The following SEC24A variants were observed in gnomAD, a reference collection of about 807,000 sequenced individuals.
The protein encoded by SEC24A is protein transport protein Sec24A.
In SEC24A, 93 loss-of-function variants were observed where a neutral mutation model predicts 129.4. The observed-to-expected ratio is 0.72, with a 90% CI of 0.61 to 0.85. The LOEUF (loss-of-function observed/expected upper bound fraction) is 0.85, where lower values mean the gene tolerates loss of function less well. Among genes scored for constraint, SEC24A ranks in the 40% least tolerant of loss-of-function variants. The probability of loss-of-function intolerance (pLI) is 0.00; values close to 1 mark genes in which losing one functional copy is unlikely to be tolerated. For synonymous variants in SEC24A, 460 were observed against 467.3 expected, an observed-to-expected ratio of 0.98 and a Z score of 0.20; for missense variants, 1,264 against 1,307.4, an observed-to-expected ratio of 0.97 and a Z score of 0.51.
At chr5:134,662,534 C>T (rs1487936321) in intron 2 of SEC24A, among the ~76,000 whole-genome samples, 1 of 152,136 alleles carries the variant, frequency 6.6e-6, no homozygotes, top group African/African-American at 2.4e-5. Flanking sequence ...ATAGTGTAGG[C>T]TTCCAAGTGA....
chr5:134,697,088 A>AT (rs1268165666), intron 13 of SEC24A, 38 bp from the exon 14 acceptor site: 2 of 1,229,356 alleles, frequency 1.6e-6, no homozygotes, highest in Admixed American at 2.0e-5. Context: ...CAATGTAATG[A>AT]TTTTTTAAAA....
intron 15 of SEC24A, among the ~76,000 whole-genome samples, chr5:134,703,073 C>T (rs1752051525): frequency 6.6e-6 from 1 of 151,958 alleles, no homozygotes. Flanking sequence ...CCTAGTTTTT[C>T]TACTGATACC....
At chr5:134,700,511 G>A (rs1303382552) in intron 15 of SEC24A, among the ~76,000 whole-genome samples, 4 of 150,912 alleles carry the variant, frequency 2.7e-5, no homozygotes, top group African/African-American at 7.3e-5. Flanking sequence ...GAATCACCAC[G>A]CCCAGTATAA....
chr5:134,703,200 G>C (rs1027111011), intron 15 of SEC24A, among the ~76,000 whole-genome samples: 1 of 152,106 alleles, frequency 6.6e-6, no homozygotes, highest in African/African-American at 2.4e-5. Flanking sequence ...TCTTTGATAT[G>C]GGATTGCTAA....
chr5:134,715,395 A>G, intron 19 of SEC24A: 2 of 382,610 alleles, frequency 5.2e-6, no homozygotes, highest in Non-Finnish European at 9.1e-6. Context: ...AAATGGAAAG[A>G]TTGTCAAATT....
Position 134,705,385 on chromosome 5 carries a change from T to C in SEC24A, c.2499T>C (p.Asp833=). ...TGCCAGTAGTTTCGACTCTGAATGA[T>C]GTCTTTCTTGGAGCTGATGTTCAAG... ...LCLPVVSTLN[D]VFLGADVQAI... The change falls in exon 17 of 23, where the codon GAT becomes GAC. Residue 833 remains aspartate, a synonymous_variant. Coordinates refer to ENST00000398844, the MANE Select transcript of SEC24A (RefSeq NM_021982.3). The C allele has an allele frequency of 6.2e-7, 1 of 1,613,642 alleles. No individual in the cohort carries two copies. The highest frequency in any genetic ancestry group is 8.5e-7 in the Non-Finnish European group (1 of 1,179,788).
chr5:134,668,370 C>T (rs187563658), intron 3 of SEC24A, among the ~76,000 whole-genome samples: 1 of 152,212 alleles, frequency 6.6e-6, no homozygotes, highest in Admixed American at 6.6e-5. Flanking sequence ...GGGCAGGTCA[C>T]CTTAGGTCAG....
At chr5:134,693,222 C>T in intron 12 of SEC24A, 3 of 1,495,832 alleles carry the variant, frequency 2.0e-6, no homozygotes, top group Non-Finnish European at 1.8e-6. Flanking sequence ...GGTGACTGTG[C>T]CATAGTGCGA....
At chr5:134,719,946 T>A (rs573433401) in intron 20 of SEC24A, among the ~76,000 whole-genome samples, 1 of 148,966 alleles carries the variant, frequency 6.7e-6, no homozygotes, top group East Asian at 2.0e-4. Context: ...GATCGTGCCA[T>A]TGCACTCCAG....
intron 18 of SEC24A, among the ~76,000 whole-genome samples, chr5:134,711,555 C>T (rs897612388): frequency 7.1e-6 from 1 of 140,438 alleles, no homozygotes; most frequent in Non-Finnish European, 1.5e-5. Context: ...TAAAGGACTG[C>T]TCTGCATCTT....
chr5:134,685,473 A>G (rs1480799556), intron 9 of SEC24A, among the ~76,000 whole-genome samples: 1 of 152,216 alleles, frequency 6.6e-6, no homozygotes, highest in Non-Finnish European at 1.5e-5. Flanking sequence ...GATGATTTAA[A>G]GTATACAAAA....
In SEC24A at chr5:134,721,149, A is replaced by G. The variant is rs1312013170; in HGVS notation, c.3063+59A>G. 6.2e-6 allele frequency: 6 copies of G among 969,742 alleles called. No homozygotes were observed. In the East Asian group the frequency reaches 9.8e-5, roughly 16 times the overall value. 60.1% of individuals were successfully genotyped at this position (969,742 alleles called of 1,614,324 possible). ...CATTTCAAAGTTGGCAAAAACATGA[A>G]TATCCCCTATTTTGATATCAGAAAA... On this transcript the variant is annotated intron_variant, in intron 21 of 22. Coordinates refer to ENST00000398844, the MANE Select transcript of SEC24A (RefSeq NM_021982.3).
chr5:134,703,687 G>A, intron 15 of SEC24A, 72 bp from the exon 16 acceptor site: 1 of 1,016,566 alleles, frequency 9.8e-7, no homozygotes, highest in African/African-American at 1.6e-5. Context: ...AATCTGATAA[G>A]TAACTAGGAT....
intron 3 of SEC24A, among the ~76,000 whole-genome samples, 190 bp from the exon 4 acceptor site, chr5:134,671,619 G>A (rs1403934822): frequency 6.6e-6 from 1 of 152,158 alleles, no homozygotes; most frequent in Admixed American, 6.6e-5. Context: ...TCCTTTCCCT[G>A]AAGTTGCAGC....
At chr5:134,719,202 T>G (rs1254958407) in intron 20 of SEC24A, among the ~76,000 whole-genome samples, 2 of 151,784 alleles carry the variant, frequency 1.3e-5, no homozygotes, top group East Asian at 3.9e-4. Flanking sequence ...GGCAACATGG[T>G]GAAACCCTGT....
chr5:134,714,941 C>A (rs992865400), intron 18 of SEC24A, 83 bp from the exon 19 acceptor site: 12 of 1,356,314 alleles, frequency 8.8e-6, no homozygotes, highest in Middle Eastern at 3.7e-4. Flanking sequence ...TGAAAATATT[C>A]TTTTAACAAC....
chr5:134,655,869 C>T (rs1228553360), intron 1 of SEC24A, among the ~76,000 whole-genome samples: 2 of 151,860 alleles, frequency 1.3e-5, no homozygotes, highest in Non-Finnish European at 2.9e-5. Context: ...TGCTATTTCT[C>T]AACAGCAGTA....
rs773360030 is a variant in SEC24A at position 134,718,099 on chromosome 5, C to T, written c.2896C>T (p.Pro966Ser). ...GALNISDRTI[P>S]QPPILQLSVE... is the part of the protein sequence containing the mutation. The stretch of plus-strand genomic sequence containing the variant: ...ACTCAACATCAGTGATAGAACCATA[C>T]CTCAGCCCCCCATTCTTCAGCTTTC... The change falls in exon 20 of 23, where the codon CCT becomes TCT. Residue 966 changes from proline to serine, a missense_variant. Transcript: ENST00000398844. 7.4e-6 allele frequency: 12 copies of T among 1,613,936 alleles called. No individual in the cohort carries two copies. Among genetic ancestry groups the T allele is most frequent in the Non-Finnish European group, 7.6e-6 (9 of 1,179,982 alleles).
In SEC24A at chr5:134,649,045, G is replaced by A; in HGVS notation, c.-32G>A. On this transcript the variant is annotated 5_prime_UTR_variant, in exon 1 of 23. Transcript: ENST00000398844. ...AGCTCTCTTCTTGTGCGCTGTTGTC[G>A]ACCCCGACCAGCCCCTTCCAACCCA... 1 of 1,537,870 alleles carries A rather than the reference G, an allele frequency of 6.5e-7. No individual in the cohort carries two copies. Among genetic ancestry groups the A allele is most frequent in the South Asian group, 1.1e-5 (1 of 86,962 alleles).
Sources: gnomAD v4.1 joint callset for allele counts (sites outside exome capture counted in the v4.1 genomes callset) on GRCh38, gnomAD v4.1.1 for gene constraint, MANE v1.5 for transcripts, NCBI Gene and HGNC (gene_info 2026-07-23, HGNC 2026-07-21) for gene names.